Variants in MYO1D observed in about 807,000 individuals in gnomAD.
MYO1D encodes unconventional myosin-Id.
MYO1D carries 83 observed loss-of-function variants against 122.0 expected under a neutral mutation model. That is an observed-to-expected ratio of 0.68 (90% CI 0.57 to 0.82). The LOEUF (loss-of-function observed/expected upper bound fraction) is 0.82. Among genes scored for constraint, MYO1D ranks in the 40% least tolerant of loss-of-function variants. The pLI is 0.00. For missense variants in MYO1D, 1,157 were observed against 1,269.5 expected (o/e 0.91, Z 1.35); for synonymous variants, 464 against 446.9 (o/e 1.04, Z -0.48).
intron 4 of MYO1D, 90 bp from the exon 5 acceptor site, chr17:32,772,932 G>A (rs1164233534): frequency 2.0e-6 from 2 of 1,021,932 alleles, no homozygotes; most frequent in Non-Finnish European, 3.1e-6. Context: ...TCAGGCCTCT[G>A]AGCCCAAGCC....
At chr17:32,779,172 T>G (rs993362770) in intron 2 of MYO1D, among the ~76,000 whole-genome samples, 1 of 152,148 alleles carries the variant, frequency 6.6e-6, no homozygotes, top group Admixed American at 6.5e-5. Flanking sequence ...TTATGCCTTC[T>G]GACTCAAAAA....
intron 20 of MYO1D, among the ~76,000 whole-genome samples, chr17:32,636,232 T>G (rs1227262261): frequency 6.6e-6 from 1 of 152,210 alleles, no homozygotes; most frequent in Non-Finnish European, 1.5e-5. Flanking sequence ...GAAAGTATAC[T>G]TGTACGTTTC....
In MYO1D at chr17:32,503,613, G is replaced by C. The variant is rs1482101089; in HGVS notation, c.2865-8698C>G. 7.9e-5 allele frequency among the ~76,000 whole-genome samples: 12 copies of C among 152,192 alleles called. 1 individual carries two copies. Among genetic ancestry groups the C allele is most frequent in the Admixed American group, 7.9e-4 (12 of 15,280 alleles). On this transcript the variant is annotated intron_variant, in intron 21 of 21. Transcript: ENST00000318217. ...TCAAGTTTGGTAACAGGATGTGGTA[G>C]GAGGAACACAGCCTTGCACCAAGCA...
chr17:32,857,380 T>C (rs111386923), intron 1 of MYO1D, among the ~76,000 whole-genome samples: 1,930 of 152,164 alleles, frequency 0.013, 21 homozygotes, highest in Middle Eastern at 0.017. Flanking sequence ...GGTCAAGAGA[T>C]AGAGACCATC....
intron 14 of MYO1D, among the ~76,000 whole-genome samples, chr17:32,733,590 T>C (rs1240104244): frequency 1.3e-5 from 2 of 152,208 alleles, no homozygotes; most frequent in African/African-American, 4.8e-5. Flanking sequence ...CACCATTGTG[T>C]GTGTGTGTGT....
chr17:32,602,982 A>G (rs1226545582), intron 21 of MYO1D, among the ~76,000 whole-genome samples: 1 of 152,142 alleles, frequency 6.6e-6, no homozygotes, highest in Non-Finnish European at 1.5e-5. Flanking sequence ...TCAAAATTTC[A>G]AGCCTGACTT....
intron 10 of MYO1D, among the ~76,000 whole-genome samples, chr17:32,759,154 T>C (rs571923889): frequency 1.3e-5 from 2 of 152,228 alleles, no homozygotes; most frequent in African/African-American, 4.8e-5. Flanking sequence ...TTTAATTGTA[T>C]TAGGAGAGTT....
At chr17:32,702,587 G>A (rs1190172323) in intron 16 of MYO1D, among the ~76,000 whole-genome samples, 1 of 151,750 alleles carries the variant, frequency 6.6e-6, no homozygotes, top group East Asian at 1.9e-4. Context: ...GCCCCCCAGT[G>A]CTATTCTGCT....
At chr17:32,495,021 TCCA>T in intron 21 of MYO1D, 106 bp from the exon 22 acceptor site, 1 of 1,342,034 alleles carries the variant, frequency 7.5e-7, no homozygotes, top group South Asian at 1.5e-5. Context: ...GCCTGCTTCC[TCCA>T]CAAGTGCCAG....
At chr17:32,782,756 T>C (rs1444460376) in intron 1 of MYO1D, among the ~76,000 whole-genome samples, 2 of 151,962 alleles carry the variant, frequency 1.3e-5, no homozygotes, top group Non-Finnish European at 2.9e-5. Context: ...GGCAACATAG[T>C]GAAACTCCAT....
intron 1 of MYO1D, among the ~76,000 whole-genome samples, chr17:32,863,656 C>T (rs571503088): frequency 6.6e-6 from 1 of 152,332 alleles, no homozygotes; most frequent in South Asian, 2.1e-4. Flanking sequence ...TTTATAACTA[C>T]AGTCATGATG....
intron 11 of MYO1D, among the ~76,000 whole-genome samples, 186 bp downstream of exon 11, chr17:32,755,306 C>A (rs942748773): frequency 2.0e-5 from 3 of 152,166 alleles, no homozygotes; most frequent in Non-Finnish European, 4.4e-5. Context: ...TTATCAATTT[C>A]TTCATACTAT....
intron 21 of MYO1D, among the ~76,000 whole-genome samples, chr17:32,560,528 C>CATAT (rs56214129): frequency 0.014 from 883 of 64,962 alleles, 37 homozygotes; most frequent in Non-Finnish European, 0.02. Context: ...CCAGAGACAA[C>CATAT]ATATATATAT....
At position 32,721,059 on chromosome 17, in the gene MYO1D, A is replaced by C. The variant is rs1009070264; in HGVS notation, c.1877T>G (p.Phe626Cys). 2 of 1,614,034 alleles carry C rather than the reference A, an allele frequency of 1.2e-6. No individual in the cohort carries two copies. The highest frequency in any genetic ancestry group is 1.7e-6 in the Non-Finnish European group (2 of 1,180,006). Residue 626 changes from phenylalanine (F) to cysteine (C), a missense_variant, in exon 15 of 22, where the codon TTT (phenylalanine) becomes TGT (cysteine). Phe to Cys is a radical substitution (Grantham distance 205). Coordinates refer to ENST00000318217, the MANE Select transcript of MYO1D (RefSeq NM_015194.3). ...LENVRVRRAG[F>C]AFRQTYEKFL... is the part of the protein sequence containing the mutation. The stretch of plus-strand genomic sequence containing the variant: ...CTTCTCGTATGTCTGGCGGAAGGCA[A>C]ATCCTGCCCGACGCACTCTCACATT...
intron 21 of MYO1D, among the ~76,000 whole-genome samples, chr17:32,536,018 A>T (rs1285677820): frequency 6.6e-6 from 1 of 152,110 alleles, no homozygotes; most frequent in Non-Finnish European, 1.5e-5. Context: ...CCCAGGATAC[A>T]GACTCTTTTT....
intron 1 of MYO1D, among the ~76,000 whole-genome samples, chr17:32,842,879 TTTC>T (rs916151557): frequency 7.4e-6 from 1 of 135,142 alleles, no homozygotes; most frequent in African/African-American, 2.6e-5. Context: ...TTTATTTCTA[TTTC>T]TTTCTTTTTT....
chr17:32,671,602 A>C (rs1207631863), intron 16 of MYO1D, among the ~76,000 whole-genome samples: 3 of 152,232 alleles, frequency 2.0e-5, no homozygotes. Context: ...AAGAGTGGTC[A>C]TTATACCTTT....
chr17:32,760,196 A>G, intron 10 of MYO1D, 94 bp downstream of exon 10: 1 of 1,048,378 alleles, frequency 9.5e-7, no homozygotes, highest in East Asian at 2.4e-5. Context: ...TGTTTCAAAT[A>G]CCCCCAAAAG....
intron 1 of MYO1D, among the ~76,000 whole-genome samples, chr17:32,857,591 A>G (rs1476235112): frequency 6.6e-6 from 1 of 151,652 alleles, no homozygotes; most frequent in Non-Finnish European, 1.5e-5. Flanking sequence ...CCTCAAAAAA[A>G]AAAAAAAAAA....
Sources: gnomAD v4.1 joint callset for allele counts (sites outside exome capture counted in the v4.1 genomes callset) on GRCh38, gnomAD v4.1.1 for gene constraint, MANE v1.5 for transcripts, NCBI Gene and HGNC (gene_info 2026-07-23, HGNC 2026-07-21) for gene names.